ENDOD1: variants seen among roughly 807,000 people sequenced by gnomAD.
ENDOD1 encodes endonuclease domain-containing 1 protein.
ENDOD1 carries 9 observed loss-of-function variants against 6.5 expected under a neutral mutation model. The ratio of observed to expected loss-of-function variants is 1.39; its 90% CI spans 0.84 to 2.43. The LOEUF is 2.43. Ranked by LOEUF, ENDOD1 falls within the 30% of genes most tolerant of loss-of-function variation. The probability of loss-of-function intolerance (pLI) is 0.00; values close to 1 mark genes in which losing one functional copy is unlikely to be tolerated. For missense variants in ENDOD1, 648 were observed against 635.5 expected, an observed-to-expected ratio of 1.02 and a Z score of -0.21; for synonymous variants, 255 against 255.2, an observed-to-expected ratio of 1.00 and a Z score of 0.01.
chr11:95,129,571 G>T lies in ENDOD1; in HGVS notation c.1495G>T (p.Glu499Ter). 6.2e-7 allele frequency: 1 copy of T among 1,611,032 alleles called. No homozygotes were observed. Among genetic ancestry groups the T allele is most frequent in the Non-Finnish European group, 8.5e-7 (1 of 1,178,332 alleles). Residue 499 changes from glutamate to a stop codon, truncating the protein, a stop_gained, in exon 2 of 2, where the codon GAG becomes TAG. Coordinates refer to ENST00000278505, the MANE Select transcript of ENDOD1 (RefSeq NM_015036.3). LOFTEE classifies it high-confidence loss of function. ...CAAGGTTACTTTTGACAATTCTGGGGAGTTATAAACTCAAAAAACTAATAG... is the reference window on the plus strand; with the variant it reads ...CAAGGTTACTTTTGACAATTCTGGGTAGTTATAAACTCAAAAAACTAATAG... ...GYKVTFDNSG[E>*]L is the part of the protein sequence containing the mutation.
At chr11:95,123,151 T>C (rs562100701) in intron 1 of ENDOD1, among the ~76,000 whole-genome samples, 23 of 150,414 alleles carry the variant, frequency 1.5e-4, no homozygotes, top group African/African-American at 5.4e-4. Context: ...ATCAGGCCAC[T>C]GCACTGCAGC....
intron 1 of ENDOD1, among the ~76,000 whole-genome samples, chr11:95,100,866 T>TC (rs1491334312): frequency 2.7e-4 from 2 of 7,306 alleles, no homozygotes; most frequent in Non-Finnish European, 5.4e-4. Context: ...CTGCTGGGTG[T>TC]TTTTTTTTTT....
At chr11:95,115,048 G>A (rs963233676) in intron 1 of ENDOD1, among the ~76,000 whole-genome samples, 1 of 152,160 alleles carries the variant, frequency 6.6e-6, no homozygotes, top group Non-Finnish European at 1.5e-5. Flanking sequence ...TTGATATTTT[G>A]ATAGGGATTG....
At position 95,101,210 on chromosome 11, in the gene ENDOD1, T is replaced by G. The variant is rs1439245584; in HGVS notation, c.300+10983T>G. Among the ~76,000 whole-genome samples, 31 of 152,212 alleles carry G rather than the reference T, an allele frequency of 2.0e-4. 1 individual carries two copies. The highest frequency in any genetic ancestry group is 2.0e-3 in the Admixed American group (31 of 15,270). On this transcript the variant is annotated intron_variant, in intron 1 of 1. Transcript: ENST00000278505. The stretch of plus-strand genomic sequence containing the variant: ...GTACAGAACAGCCACAGACAATACA[T>G]AAATGAATGAGTATGGCTATGTTCC...
At chr11:95,128,162 C>G (rs1859329831) in intron 1 of ENDOD1, among the ~76,000 whole-genome samples, 2 of 152,162 alleles carry the variant, frequency 1.3e-5, no homozygotes, top group South Asian at 4.1e-4. Flanking sequence ...AGGTAATAGA[C>G]TAGGAAACAG....
chr11:95,131,094 G>C lies in ENDOD1; in HGVS notation c.*1515G>C, dbSNP rs1859366474. On this transcript the variant is annotated 3_prime_UTR_variant, in exon 2 of 2. Coordinates refer to ENST00000278505, the MANE Select transcript of ENDOD1 (RefSeq NM_015036.3). Reference sequence around the variant, plus strand: ...ATGAGCGTAGCAAGAGTTACATTTTGCAGAAAAATAGCGGAGGCACACCCA... The same window carrying C: ...ATGAGCGTAGCAAGAGTTACATTTTCCAGAAAAATAGCGGAGGCACACCCA... 6.6e-6 allele frequency: 1 copy of C among 152,232 alleles called. No homozygotes were observed. The highest frequency in any genetic ancestry group is 2.4e-5 in the African/African-American group (1 of 41,446). 9.4% of individuals were successfully genotyped at this position (152,232 alleles called of 1,614,324 possible). A position where few individuals can be genotyped will look rare whatever the true frequency, so the allele number is the denominator to read the frequency against.
At chr11:95,102,767 G>A (rs1402856385) in intron 1 of ENDOD1, among the ~76,000 whole-genome samples, 2 of 152,184 alleles carry the variant, frequency 1.3e-5, no homozygotes, top group African/African-American at 2.4e-5. Context: ...ATTATGTTAC[G>A]GAAAAGAGTT....
At chr11:95,090,268 G>A (rs1555109732) in intron 1 of ENDOD1, 41 bp downstream of exon 1, 3 of 1,357,446 alleles carry the variant, frequency 2.2e-6, no homozygotes, top group African/African-American at 3.1e-5. Flanking sequence ...GGGCGCCGGA[G>A]ACCGTGCCGC....
chr11:95,107,339 G>GAAAAAAA (rs1178434619), intron 1 of ENDOD1, among the ~76,000 whole-genome samples: 1 of 101,210 alleles, frequency 9.9e-6, no homozygotes, highest in Non-Finnish European at 2.1e-5. Context: ...GTCTCAAAAA[G>GAAAAAAA]AAAAAAAAAA....
chr11:95,090,090 A>C lies in ENDOD1; in HGVS notation c.163A>C (p.Ile55Leu), dbSNP rs782225378. Residue 55 changes from isoleucine to leucine, a missense_variant, in exon 1 of 2, where the codon ATC (isoleucine) becomes CTC (leucine). By Grantham distance (5) the Ile-to-Leu change is conservative (BLOSUM62 2). Coordinates refer to ENST00000278505, the MANE Select transcript of ENDOD1 (RefSeq NM_015036.3). ...AGLAADSHVK[I>L]CQRAEGAERF... The stretch of plus-strand genomic sequence containing the variant: ...GCTGGCGGCCGATTCCCACGTGAAG[A>C]TCTGTCAGCGCGCGGAGGGTGCTGA... 1.9e-6 allele frequency: 3 copies of C among 1,599,286 alleles called. No individual in the cohort carries two copies. In the African/African-American group the frequency reaches 4.1e-5, roughly 22 times the overall value.
At position 95,125,438 on chromosome 11, in the gene ENDOD1, T is replaced by TTTA. The variant is rs201596098; in HGVS notation, c.301-2919_301-2917dup. Among the ~76,000 whole-genome samples, 804 of 151,632 alleles carry TTTA rather than the reference T, an allele frequency of 5.3e-3. 6 individuals carry two copies. Among genetic ancestry groups the TTTA allele is most frequent in the African/African-American group, 0.016 (663 of 41,386 alleles). ...CAGCTTAACCAAATGAATGAGCTTCTTTATTATTATTATTATTATTATACT... is the reference window on the plus strand; with the variant it reads ...CAGCTTAACCAAATGAATGAGCTTCTTTATTATTATTATTATTATTATTATACT... On this transcript the variant is annotated intron_variant, in intron 1 of 1. Coordinates refer to ENST00000278505, the MANE Select transcript of ENDOD1 (RefSeq NM_015036.3).
intron 1 of ENDOD1, among the ~76,000 whole-genome samples, chr11:95,118,293 TC>T (rs1859230218): frequency 6.6e-6 from 1 of 152,240 alleles, no homozygotes; most frequent in African/African-American, 2.4e-5. Context: ...CTCATTAACA[TC>T]CTTTTCTTTC....
chr11:95,124,668 G>T (rs1331604577), intron 1 of ENDOD1, among the ~76,000 whole-genome samples: 1 of 152,190 alleles, frequency 6.6e-6, no homozygotes, highest in Non-Finnish European at 1.5e-5. Flanking sequence ...ACCTTGGTTC[G>T]ATCCTGGCTT....
Position 95,096,058 on chromosome 11 carries a change from A to G in ENDOD1, c.300+5831A>G, listed in dbSNP as rs1337851941. Reference sequence around the variant, plus strand: ...CTGGTGATTCATGGTGATTGAATGGAGCTTTCCTTAGGGAATTGAGATTTT... The same window carrying G: ...CTGGTGATTCATGGTGATTGAATGGGGCTTTCCTTAGGGAATTGAGATTTT... On this transcript the variant is annotated intron_variant, in intron 1 of 1. Transcript: ENST00000278505. 2.0e-5 allele frequency among the ~76,000 whole-genome samples: 3 copies of G among 152,208 alleles called. No individual in the cohort carries two copies. The East Asian group carries it at 5.8e-4, about 29-fold the overall frequency.
chr11:95,122,699 T>C (rs1455448505), intron 1 of ENDOD1, among the ~76,000 whole-genome samples: 4 of 151,910 alleles, frequency 2.6e-5, no homozygotes, highest in Admixed American at 1.3e-4. Context: ...TAGGTGAGCA[T>C]GGTAATGATG....
chr11:95,118,930 T>A (rs2134172076), intron 1 of ENDOD1, among the ~76,000 whole-genome samples: 1 of 152,354 alleles, frequency 6.6e-6, no homozygotes, highest in East Asian at 1.9e-4. Context: ...TTCTGTTTGA[T>A]CAGTTCTGCT....
chr11:95,128,544 C>G lies in ENDOD1; in HGVS notation c.468C>G (p.Ala156=). 1 of 1,614,200 alleles carries G rather than the reference C, an allele frequency of 6.2e-7. No homozygotes were observed. Among genetic ancestry groups the G allele is most frequent in the South Asian group, 1.1e-5 (1 of 91,080 alleles). ...PFSLSSDVQV[A]TFTLTNSAPM... ...CCCTTAGCAGTGATGTCCAGGTGGC[C>G]ACATTTACTCTCACAAATTCAGCCC... Residue 156 remains alanine, a synonymous_variant, in exon 2 of 2, where the codon GCC becomes GCG. Coordinates refer to ENST00000278505, the MANE Select transcript of ENDOD1 (RefSeq NM_015036.3).
chr11:95,098,353 G>A (rs1464108910), intron 1 of ENDOD1, among the ~76,000 whole-genome samples: 9 of 152,022 alleles, frequency 5.9e-5, no homozygotes, highest in Admixed American at 2.6e-4. Context: ...TTCTTAATAC[G>A]CACACAAAAC....
chr11:95,101,448 G>C (rs635203), intron 1 of ENDOD1, among the ~76,000 whole-genome samples: 150,138 of 152,106 alleles, frequency 0.99, 74,098 homozygotes, highest in East Asian at 1. Context: ...CAGCCTAGAT[G>C]TACACGTACA....
Sources: gnomAD v4.1 joint callset for allele counts (sites outside exome capture counted in the v4.1 genomes callset) on GRCh38, gnomAD v4.1.1 for gene constraint, MANE v1.5 for transcripts, NCBI Gene and HGNC (gene_info 2026-07-23, HGNC 2026-07-21) for gene names.